The following RBFOX1 variants were observed in gnomAD, a reference collection of about 807,000 sequenced individuals.
The protein encoded by RBFOX1 is RNA binding protein fox-1 homolog 1.
Under a neutral mutation model 57.7 loss-of-function variants are expected in RBFOX1, and 8 were observed. That is an observed-to-expected ratio of 0.14 (90% CI 0.08 to 0.25). The LOEUF is 0.25. Ranked by LOEUF, RBFOX1 falls within the 10% of genes least tolerant of loss-of-function variation. The pLI is 1.00. For synonymous variants in RBFOX1, 326 were observed against 222.4 expected, an observed-to-expected ratio of 1.47 and a Z score of -4.15; for missense variants, 611 against 548.5, an observed-to-expected ratio of 1.11 and a Z score of -1.14.
chr16:6,889,362 C>CT (rs1442047128), intron 3 of RBFOX1, among the ~76,000 whole-genome samples: 1 of 152,210 alleles, frequency 6.6e-6, no homozygotes, highest in Non-Finnish European at 1.5e-5. Context: ...ATTTTGCTCT[C>CT]TTTTCCCTCT....
chr16:7,319,943 C>T (rs1212623206), intron 4 of RBFOX1, among the ~76,000 whole-genome samples: 5 of 152,092 alleles, frequency 3.3e-5, no homozygotes, highest in African/African-American at 7.2e-5. Context: ...TTGTGTTTGG[C>T]ACATAGTGAG....
chr16:5,511,696 C>G (rs1027632508), intron 2 of RBFOX1, among the ~76,000 whole-genome samples: 2 of 152,136 alleles, frequency 1.3e-5, no homozygotes, highest in Non-Finnish European at 2.9e-5. Flanking sequence ...AGTTGCACAC[C>G]TAGTGAGTGA....
At chr16:7,690,711 C>G (rs554487741) in intron 14 of RBFOX1, among the ~76,000 whole-genome samples, 1 of 152,038 alleles carries the variant, frequency 6.6e-6, no homozygotes, top group Non-Finnish European at 1.5e-5. Context: ...CGGAGACATT[C>G]GTCTCTTTGA....
intron 1 of RBFOX1, among the ~76,000 whole-genome samples, chr16:6,039,350 A>AAG (rs577226855): frequency 6.2e-5 from 7 of 113,478 alleles, no homozygotes; most frequent in Admixed American, 5.2e-4. Context: ...CTTTCTGGAA[A>AAG]AAAAAAAAAA....
At chr16:6,773,458 A>G (rs1316475544) in intron 3 of RBFOX1, among the ~76,000 whole-genome samples, 1 of 68,756 alleles carries the variant, frequency 1.5e-5, no homozygotes, top group Non-Finnish European at 2.8e-5. Context: ...ATAGGGTGCA[A>G]TTGTGTGTGT....
chr16:5,672,700 A>G (rs2050047960), intron 3 of RBFOX1, among the ~76,000 whole-genome samples: 1 of 135,172 alleles, frequency 7.4e-6, no homozygotes, highest in Non-Finnish European at 1.6e-5. Flanking sequence ...CATTAGCTGG[A>G]GATAATGATG....
At chr16:7,381,509 T>C (rs1320865838) in intron 4 of RBFOX1, among the ~76,000 whole-genome samples, 2 of 151,570 alleles carry the variant, frequency 1.3e-5, no homozygotes, top group African/African-American at 4.9e-5. Context: ...CCCCCGCCTT[T>C]TTTTTTTATT....
chr16:6,517,475 A>G (rs1240019138), intron 2 of RBFOX1, among the ~76,000 whole-genome samples: 1 of 152,056 alleles, frequency 6.6e-6, no homozygotes, highest in South Asian at 2.1e-4. Flanking sequence ...TTCTGATACC[A>G]GTGTCTCCTG....
chr16:7,191,216 T>G (rs758843307), intron 4 of RBFOX1, among the ~76,000 whole-genome samples: 1 of 152,210 alleles, frequency 6.6e-6, no homozygotes, highest in Non-Finnish European at 1.5e-5. Context: ...GAACTTTGTC[T>G]TAATAATGGA....
At chr16:6,540,947 A>G (rs2096807168) in intron 2 of RBFOX1, among the ~76,000 whole-genome samples, 1 of 152,184 alleles carries the variant, frequency 6.6e-6, no homozygotes, top group Non-Finnish European at 1.5e-5. Context: ...CTGCTATCAG[A>G]GGAAATTCCT....
intron 2 of RBFOX1, among the ~76,000 whole-genome samples, chr16:5,576,276 A>G (rs2046453593): frequency 6.6e-6 from 1 of 152,260 alleles, no homozygotes; most frequent in South Asian, 2.1e-4. Flanking sequence ...TACAGGCGTG[A>G]GCCACTACGC....
At chr16:7,524,605 C>T (rs1600845197) in intron 5 of RBFOX1, among the ~76,000 whole-genome samples, 1 of 152,136 alleles carries the variant, frequency 6.6e-6, no homozygotes, top group African/African-American at 2.4e-5. Flanking sequence ...CACCACTTTC[C>T]CACTAGCTCT....
At chr16:6,959,766 G>A (rs944547100) in intron 3 of RBFOX1, among the ~76,000 whole-genome samples, 4 of 152,074 alleles carry the variant, frequency 2.6e-5, no homozygotes, top group Non-Finnish European at 4.4e-5. Flanking sequence ...GTGAAACCCC[G>A]TTTCTACCAA....
chr16:5,269,812 A>G (rs1285190349), intron 1 of RBFOX1, among the ~76,000 whole-genome samples: 1 of 152,216 alleles, frequency 6.6e-6, no homozygotes, highest in African/African-American at 2.4e-5. Flanking sequence ...AAAGATGCAA[A>G]GAAAAACAGC....
intron 1 of RBFOX1, among the ~76,000 whole-genome samples, chr16:6,129,158 T>C (rs1300534338): frequency 6.6e-6 from 1 of 152,158 alleles, no homozygotes; most frequent in Non-Finnish European, 1.5e-5. Context: ...ATGTGACCTA[T>C]AGCAAGATAC....
At chr16:7,122,148 G>A (rs2067331448) in intron 4 of RBFOX1, among the ~76,000 whole-genome samples, 1 of 151,934 alleles carries the variant, frequency 6.6e-6, no homozygotes, top group Non-Finnish European at 1.5e-5. Flanking sequence ...CCCCAAAAAG[G>A]TTTAATTTGA....
chr16:7,704,576 C>T (rs575341141), intron 14 of RBFOX1, among the ~76,000 whole-genome samples: 95 of 152,300 alleles, frequency 6.2e-4, no homozygotes, highest in Non-Finnish European at 1.1e-3. Flanking sequence ...TCCTCTCTAC[C>T]TGCACTGTTC....
chr16:5,672,662 A>AT (rs1290516306), intron 3 of RBFOX1, among the ~76,000 whole-genome samples: 6 of 152,074 alleles, frequency 3.9e-5, no homozygotes, highest in Non-Finnish European at 7.4e-5. Context: ...TCCATCTCTG[A>AT]TTTTTTTTCT....
intron 4 of RBFOX1, among the ~76,000 whole-genome samples, chr16:7,336,286 G>T (rs1238232786): frequency 6.6e-6 from 1 of 152,204 alleles, no homozygotes; most frequent in Non-Finnish European, 1.5e-5. Context: ...TGGGTCTAAT[G>T]TGTTGGCTCT....
Sources: gnomAD v4.1 joint callset for allele counts (sites outside exome capture counted in the v4.1 genomes callset) on GRCh38, gnomAD v4.1.1 for gene constraint, MANE v1.5 for transcripts, NCBI Gene and HGNC (gene_info 2026-07-23, HGNC 2026-07-21) for gene names.